The following AKR1E2 variants were observed in gnomAD, a reference collection of about 807,000 sequenced individuals.
AKR1E2 encodes the protein 1,5-anhydro-D-fructose reductase.
A neutral mutation model predicts 41.9 loss-of-function variants in AKR1E2; 43 were observed. The ratio of observed to expected loss-of-function variants is 1.03; its 90% CI spans 0.80 to 1.32. The LOEUF (loss-of-function observed/expected upper bound fraction) is 1.32, where lower values mean the gene tolerates loss of function less well. Among genes scored for constraint, AKR1E2 ranks in the 40% most tolerant of loss-of-function variants. The probability of loss-of-function intolerance (pLI) is 0.00; values close to 1 mark genes in which losing one functional copy is unlikely to be tolerated. For synonymous variants in AKR1E2, 121 were observed against 138.9 expected, an observed-to-expected ratio of 0.87 and a Z score of 0.91; for missense variants, 423 against 396.5, an observed-to-expected ratio of 1.07 and a Z score of -0.57.
chr10:4,832,895 C>T (rs1007713865), intron 2 of AKR1E2, among the ~76,000 whole-genome samples: 89 of 152,194 alleles, frequency 5.8e-4, no homozygotes, highest in African/African-American at 2.1e-3. Context: ...AGAAGTAAGG[C>T]AGTGTGAGCT....
At chr10:4,826,384 G>A (rs1832506018) in intron 1 of AKR1E2, 21 bp downstream of exon 1, 2 of 1,233,266 alleles carry the variant, frequency 1.6e-6, no homozygotes, top group Admixed American at 4.2e-5. Context: ...CGCGGGCAGG[G>A]AGGCGCGCCT....
chr10:4,834,951 G>A (rs1025404064), intron 3 of AKR1E2, among the ~76,000 whole-genome samples: 1 of 152,218 alleles, frequency 6.6e-6, no homozygotes. Flanking sequence ...GGCAACATGG[G>A]ATGTGGCTTT....
chr10:4,837,923 G>A (rs1274968855), intron 5 of AKR1E2, among the ~76,000 whole-genome samples: 1 of 152,190 alleles, frequency 6.6e-6, no homozygotes, highest in African/African-American at 2.4e-5. Context: ...CCTCTTCCCA[G>A]CCTGCAGACT....
At chr10:4,854,879 T>C in the AKR1E2 span, among the ~76,000 whole-genome samples, 1 of 152,172 alleles carries the variant, frequency 6.6e-6, no homozygotes, top group Non-Finnish European at 1.5e-5. Context: ...GGGTAAAGTC[T>C]CTTTCGGCTA....
chr10:4,843,579 C>T (rs1333592906), intron 8 of AKR1E2, among the ~76,000 whole-genome samples: 3 of 152,216 alleles, frequency 2.0e-5, no homozygotes, highest in South Asian at 2.1e-4. Context: ...CTGCTGCATC[C>T]TGAGGGCTCG....
intron 2 of AKR1E2, among the ~76,000 whole-genome samples, chr10:4,832,451 G>A (rs1361332674): frequency 6.6e-6 from 1 of 152,178 alleles, no homozygotes; most frequent in Non-Finnish European, 1.5e-5. Flanking sequence ...AGTCCAGGTA[G>A]GGATGTGAGC....
Position 4,841,708 on chromosome 10 carries a change from A to G in AKR1E2, c.681-77A>G. 2.6e-6 allele frequency: 3 copies of G among 1,149,160 alleles called. No homozygotes were observed. In the South Asian group the frequency reaches 5.7e-5, roughly 22 times the overall value. The allele number at this position is 1,149,160 out of a possible 1,614,324, so 71.2% of individuals were successfully genotyped here. On this transcript the variant is annotated intron_variant, in intron 6 of 9. Coordinates refer to ENST00000298375, the MANE Select transcript of AKR1E2 (RefSeq NM_001040177.3). ...AGAAAATAAATCTTTCATTTTGGAC[A>G]AAGATTTCTTCTTTCTAAAGAAAGG...
chr10:4,849,653 G>C (rs974628181), downstream of AKR1E2, among the ~76,000 whole-genome samples: 1 of 152,232 alleles, frequency 6.6e-6, no homozygotes, highest in Non-Finnish European at 1.5e-5. Context: ...GGTCAGCAAG[G>C]ACACAGTTGC....
At chr10:4,856,842 G>A in the AKR1E2 span, among the ~76,000 whole-genome samples, 2 of 151,954 alleles carry the variant, frequency 1.3e-5, no homozygotes, top group Non-Finnish European at 2.9e-5. Flanking sequence ...CCTTGTTTTG[G>A]TCCTCTTTAG....
At chr10:4,829,452 T>A (rs1046926083) in intron 1 of AKR1E2, among the ~76,000 whole-genome samples, 1 of 152,192 alleles carries the variant, frequency 6.6e-6, no homozygotes, top group African/African-American at 2.4e-5. Flanking sequence ...TTTTAATATT[T>A]TTGTCTGATT....
At chr10:4,866,746 A>C in the AKR1E2 span, among the ~76,000 whole-genome samples, 2 of 146,190 alleles carry the variant, frequency 1.4e-5, no homozygotes, top group African/African-American at 5.0e-5. Flanking sequence ...GATTTTAAGG[A>C]TAACTTGGCG....
rs774719094 is a variant in AKR1E2 at position 4,847,485 on chromosome 10, C to T, written c.921-3C>T. ...ATTTTTGATTTGTTTTTCTGTTTTTCAGAACTAAAAATCACAAAGACTATC... is the reference window on the plus strand; with the variant it reads ...ATTTTTGATTTGTTTTTCTGTTTTTTAGAACTAAAAATCACAAAGACTATC... On this transcript the variant is annotated splice_region_variant and splice_polypyrimidine_tract_variant and intron_variant, in intron 9 of 9. Coordinates refer to ENST00000298375, the MANE Select transcript of AKR1E2 (RefSeq NM_001040177.3). 6.2e-7 allele frequency: 1 copy of T among 1,610,420 alleles called. No homozygotes were observed. Among genetic ancestry groups the T allele is most frequent in the Admixed American group, 1.7e-5 (1 of 59,228 alleles).
downstream of AKR1E2, among the ~76,000 whole-genome samples, chr10:4,850,198 C>T (rs942122381): frequency 1.3e-5 from 2 of 152,154 alleles, no homozygotes; most frequent in African/African-American, 4.8e-5. Context: ...GGCCTGGAGA[C>T]CAAGGTCCAC....
At chr10:4,829,906 T>C (rs1353161328) in intron 1 of AKR1E2, among the ~76,000 whole-genome samples, 1 of 152,228 alleles carries the variant, frequency 6.6e-6, no homozygotes, top group Non-Finnish European at 1.5e-5. Context: ...ATTGATGTTA[T>C]TCTTAATCAT....
chr10:4,868,761 G>A, the AKR1E2 span, among the ~76,000 whole-genome samples: 3 of 152,104 alleles, frequency 2.0e-5, no homozygotes, highest in African/African-American at 7.2e-5. Flanking sequence ...GTTAAATTTT[G>A]TCAAATGCTT....
chr10:4,837,629 C>T (rs767938283), intron 5 of AKR1E2, 48 bp downstream of exon 5: 25 of 1,587,206 alleles, frequency 1.6e-5, no homozygotes, highest in Middle Eastern at 2.1e-4. Flanking sequence ...GGCTGGTCCC[C>T]CAGCTGCCAC....
At chr10:4,845,478 T>G (rs958575981) in intron 8 of AKR1E2, among the ~76,000 whole-genome samples, 3 of 25,914 alleles carry the variant, frequency 1.2e-4, no homozygotes, top group African/African-American at 1.9e-4. Flanking sequence ...CTGTCACCCC[T>G]CAATGGGGGC....
Position 4,835,626 on chromosome 10 carries a change from T to C in AKR1E2, c.325-49T>C, listed in dbSNP as rs773378795. 1.2e-5 allele frequency: 19 copies of C among 1,588,042 alleles called. 1 individual carries two copies. In the South Asian group the frequency reaches 2.2e-4, roughly 18 times the overall value. On this transcript the variant is annotated intron_variant, in intron 3 of 9. Transcript: ENST00000298375. ...AGGTCTCCTGACACATGGTTTTTTT[T>C]GTTTTGTTTTGTTTTGTTTTCACAC...
the AKR1E2 span, among the ~76,000 whole-genome samples, chr10:4,868,310 C>A: frequency 6.6e-6 from 1 of 152,250 alleles, no homozygotes; most frequent in African/African-American, 2.4e-5. Flanking sequence ...TCCTGAGTCT[C>A]TTTGCTCCAC....
Sources: gnomAD v4.1 joint callset for allele counts (sites outside exome capture counted in the v4.1 genomes callset) on GRCh38, gnomAD v4.1.1 for gene constraint, MANE v1.5 for transcripts, NCBI Gene and HGNC (gene_info 2026-07-23, HGNC 2026-07-21) for gene names.